Variants in DMXL2 observed in about 807,000 individuals in gnomAD.
DMXL2 encodes the protein Dmx like 2.
A neutral mutation model predicts 331.1 loss-of-function variants in DMXL2; 103 were observed. The observed-to-expected ratio is 0.31, with a 90% CI of 0.27 to 0.37. DMXL2 has a LOEUF of 0.37. Ranked by LOEUF, DMXL2 falls within the 10% of genes least tolerant of loss-of-function variation. The probability of loss-of-function intolerance (pLI) is 1.00; values close to 1 mark genes in which losing one functional copy is unlikely to be tolerated. For missense variants in DMXL2, 3,171 were observed against 3,642.9 expected (o/e 0.87, Z 3.33); for synonymous variants, 1,281 against 1,252.1 (o/e 1.02, Z -0.49).
chr15:51,480,513 C>T, intron 24 of DMXL2, 29 bp downstream of exon 24: 1 of 1,472,682 alleles, frequency 6.8e-7, no homozygotes, highest in South Asian at 1.6e-5. Context: ...CTGAAATAAC[C>T]AAGATTGAAA....
intron 1 of DMXL2, among the ~76,000 whole-genome samples, chr15:51,591,928 T>C (rs1352623011): frequency 6.6e-6 from 1 of 151,900 alleles, no homozygotes; most frequent in East Asian, 1.9e-4. Flanking sequence ...GTCACCATCA[T>C]CAAAGACCAA....
chr15:51,536,535 G>T lies in DMXL2; in HGVS notation c.1945C>A (p.His649Asn). ...GCCAGGTCATTGAGGTGAAATCGAT[G>T]ACCGCAATATCTAAATTTGTGAGAT... The part of the protein sequence containing the change: ...TVSHKFRYCG[H>N]RFHLNDLACH... Residue 649 changes from histidine to asparagine, a missense_variant, in exon 12 of 44, where the codon CAT becomes AAT. Physicochemically the swap from His to Asn is moderately conservative, Grantham distance 68. Around this residue, in one of 7 missense-constraint regions of DMXL2, gnomAD observed 1,674 missense variants for 1,780.2 expected, o/e 0.94. Coordinates refer to ENST00000560891, the MANE Select transcript of DMXL2 (RefSeq NM_001378457.1). 1.2e-6 allele frequency: 2 copies of T among 1,613,830 alleles called. No homozygotes were observed. Among genetic ancestry groups the T allele is most frequent in the South Asian group, 2.2e-5 (2 of 91,008 alleles).
rs553936824 is a variant in DMXL2 at position 51,464,405 on chromosome 15, T to TCAAA, written c.7808+266_7808+269dup. On this transcript the variant is annotated intron_variant, in intron 32 of 43. Transcript: ENST00000560891. ...ACAGAGTGAGACCTTGTCTCTTGTC[T>TCAAA]CAAACAAACAAACAAACAAAAAACA... Among the ~76,000 whole-genome samples, 405 of 152,190 alleles carry TCAAA rather than the reference T, an allele frequency of 2.7e-3. 2 individuals carry two copies. The highest frequency in any genetic ancestry group is 7.3e-3 in the South Asian group (35 of 4,826).
chr15:51,546,649 T>C (rs1406738362), intron 7 of DMXL2, among the ~76,000 whole-genome samples: 2 of 152,074 alleles, frequency 1.3e-5, no homozygotes, highest in African/African-American at 2.4e-5. Flanking sequence ...ATCTTCTAAA[T>C]ACCTTTAAGA....
intron 24 of DMXL2, 77 bp downstream of exon 24, chr15:51,480,463 AAG>A (rs2041929158): frequency 7.0e-7 from 1 of 1,432,568 alleles, no homozygotes; most frequent in East Asian, 2.3e-5. Flanking sequence ...AAAGTAGTAA[AAG>A]AGCTTTATAG....
chr15:51,608,526 T>C (rs908446565), intron 1 of DMXL2, among the ~76,000 whole-genome samples: 1 of 152,190 alleles, frequency 6.6e-6, no homozygotes, highest in Non-Finnish European at 1.5e-5. Context: ...TATTCTCATT[T>C]ATAAGTGGAA....
chr15:51,618,810 C>CA (rs2054452147), intron 1 of DMXL2, among the ~76,000 whole-genome samples: 1 of 152,184 alleles, frequency 6.6e-6, no homozygotes, highest in African/African-American at 2.4e-5. Context: ...GTTTTCCCAA[C>CA]TACAATCTCT....
rs145401491 is a variant in DMXL2, at chr15:51,471,261, G to A, written c.7354C>T (p.Pro2452Ser). 2 of 1,613,958 alleles carry A rather than the reference G, an allele frequency of 1.2e-6. No individual in the cohort carries two copies. Among genetic ancestry groups the A allele is most frequent in the Non-Finnish European group, 1.7e-6 (2 of 1,179,930 alleles). ...ERPSYKEKFI[P>S]PELSMWDYFV... The stretch of plus-strand genomic sequence containing the variant: ...TAATCCCACATACTAAGTTCGGGAG[G>A]AATAAATTTTTCTTTGTAAGATGGT... The change falls in exon 29 of 44, where the codon CCT becomes TCT. Residue 2452 changes from proline (P) to serine (S), a missense_variant. Pro to Ser is a moderately conservative substitution (Grantham distance 74, BLOSUM62 -1). Transcript: ENST00000560891.
chr15:51,621,989 G>T (rs969892948), intron 1 of DMXL2, among the ~76,000 whole-genome samples: 1 of 152,126 alleles, frequency 6.6e-6, no homozygotes, highest in Non-Finnish European at 1.5e-5. Context: ...TAGCACAGCG[G>T]GCAGGGGGAG....
At chr15:51,474,953 A>G (rs2041442649) in intron 27 of DMXL2, among the ~76,000 whole-genome samples, 1 of 152,218 alleles carries the variant, frequency 6.6e-6, no homozygotes, top group Non-Finnish European at 1.5e-5. Context: ...AAAATTAGCA[A>G]GTGAAAGTAT....
chr15:51,489,677 G>A (rs1032588974), intron 20 of DMXL2, among the ~76,000 whole-genome samples: 1 of 151,262 alleles, frequency 6.6e-6, no homozygotes, highest in Non-Finnish European at 1.5e-5. Context: ...AAGAAAGAAA[G>A]AAAGAAAAAG....
At chr15:51,501,223 T>A (rs1428375265) in intron 17 of DMXL2, among the ~76,000 whole-genome samples, 1 of 152,162 alleles carries the variant, frequency 6.6e-6, no homozygotes, top group African/African-American at 2.4e-5. Context: ...TACGGATGAA[T>A]AAGAAAACAC....
At chr15:51,479,903 C>A in intron 25 of DMXL2, 45 bp downstream of exon 25, 1 of 1,351,060 alleles carries the variant, frequency 7.4e-7, no homozygotes, top group South Asian at 2.1e-5. Flanking sequence ...ACATATTTAC[C>A]TTCTCAGGGT....
intron 6 of DMXL2, among the ~76,000 whole-genome samples, chr15:51,549,779 T>C (rs940588314): frequency 5.3e-5 from 8 of 152,172 alleles, no homozygotes; most frequent in Admixed American, 5.2e-4. Flanking sequence ...TGTCTATTGA[T>C]GTCCTCAGTC....
chr15:51,499,215 C>T lies in DMXL2; in HGVS notation c.4009G>A (p.Ala1337Thr). 1 of 1,614,020 alleles carries T rather than the reference C, an allele frequency of 6.2e-7. No individual in the cohort carries two copies. Residue 1337 changes from alanine to threonine, a missense_variant, in exon 18 of 44, where the codon GCA (alanine) becomes ACA (threonine). Physicochemically the swap from Ala to Thr is moderately conservative, Grantham distance 58 (BLOSUM62 0). Around this residue, in one of 7 missense-constraint regions of DMXL2, gnomAD observed 1,674 missense variants for 1,780.2 expected, o/e 0.94. Coordinates refer to ENST00000560891, the MANE Select transcript of DMXL2 (RefSeq NM_001378457.1). ...VIQDGGLFEA[A>T]HVLSPTLPQY... Reference sequence around the variant, plus strand: ...GGAAGAGTAGGGGAAAGTACATGTGCAGCCTCAAATAAGCCACCATCTTGA... The same window carrying T: ...GGAAGAGTAGGGGAAAGTACATGTGTAGCCTCAAATAAGCCACCATCTTGA...
At chr15:51,532,466 T>C (rs2048057456) in intron 13 of DMXL2, among the ~76,000 whole-genome samples, 1 of 152,174 alleles carries the variant, frequency 6.6e-6, no homozygotes, top group Non-Finnish European at 1.5e-5. Flanking sequence ...TAGTATTTGA[T>C]AGCACAACAG....
chr15:51,571,822 C>T (rs2050687838), intron 2 of DMXL2, among the ~76,000 whole-genome samples: 1 of 151,994 alleles, frequency 6.6e-6, no homozygotes, highest in Non-Finnish European at 1.5e-5. Context: ...TAAATGCCCA[C>T]AAGAGAAAGC....
intron 16 of DMXL2, among the ~76,000 whole-genome samples, chr15:51,506,087 A>T (rs2046379946): frequency 6.6e-6 from 1 of 152,190 alleles, no homozygotes; most frequent in African/African-American, 2.4e-5. Context: ...TGAAATGGAA[A>T]AATTGACAAG....
At chr15:51,494,028 T>C (rs890642578) in intron 19 of DMXL2, among the ~76,000 whole-genome samples, 2 of 152,220 alleles carry the variant, frequency 1.3e-5, no homozygotes, top group Non-Finnish European at 2.9e-5. Context: ...TTATCAAGAC[T>C]GAAGAATTTT....
Sources: gnomAD v4.1 joint callset for allele counts (sites outside exome capture counted in the v4.1 genomes callset) on GRCh38, gnomAD v4.1.1 for gene constraint, gnomAD v4.1.1 regional missense constraint, MANE v1.5 for transcripts, NCBI Gene and HGNC (gene_info 2026-07-23, HGNC 2026-07-21) for gene names.